Variants in LIPF observed in about 807,000 individuals in gnomAD.
LIPF encodes lipase F, gastric type.
In LIPF, 25 loss-of-function variants were observed where a neutral mutation model predicts 38.0. That is an observed-to-expected ratio of 0.66 (90% CI 0.48 to 0.92). LIPF has a LOEUF of 0.92. Among genes scored for constraint, LIPF ranks in the 40% least tolerant of loss-of-function variants. The pLI is 0.00. For missense variants in LIPF, 410 were observed against 469.9 expected (o/e 0.87, Z 1.18); for synonymous variants, 161 against 156.2 (o/e 1.03, Z -0.23).
Position 88,668,757 on chromosome 10 carries a change from G to T in LIPF, c.422+1G>T. 6.2e-7 allele frequency: 1 copy of T among 1,612,344 alleles called. No homozygotes were observed. On this transcript the variant is annotated splice_donor_variant, in intron 4 of 9. Coordinates refer to ENST00000238983, the MANE Select transcript of LIPF (RefSeq NM_004190.4). LOFTEE classifies it high-confidence loss of function. ...ATTCAGTTGAATTCTGGGCTTTCAGGTAAACAAAAGGGACAATTAAAAATA... is the reference window on the plus strand; with the variant it reads ...ATTCAGTTGAATTCTGGGCTTTCAGTTAAACAAAAGGGACAATTAAAAATA...
At position 88,668,711 on chromosome 10, in the gene LIPF, GA is replaced by G; in HGVS notation, c.380del (p.Asn127ThrfsTer32). ...GNSRGNTWAR[R>X]NLYYSPDSVE... ...AGCAGAGGAAACACCTGGGCCAGAA[GA>G]AACTTGTACTATTCACCAGATTCAG... On this transcript the variant is annotated frameshift_variant, in exon 4 of 10. Coordinates refer to ENST00000238983, the MANE Select transcript of LIPF (RefSeq NM_004190.4). LOFTEE classifies it high-confidence loss of function. The G allele has an allele frequency of 6.2e-7, 1 of 1,614,122 alleles. No homozygotes were observed.
At chr10:88,667,775 C>T (rs770182907) in intron 3 of LIPF, 89 bp downstream of exon 3, 5 of 618,834 alleles carry the variant, frequency 8.1e-6, no homozygotes, top group Non-Finnish European at 1.4e-5. Flanking sequence ...CTTCCTCCAA[C>T]TTTTCCTTCT....
chr10:88,666,073 C>T (rs1841508844), intron 1 of LIPF, among the ~76,000 whole-genome samples: 1 of 152,124 alleles, frequency 6.6e-6, no homozygotes, highest in Non-Finnish European at 1.5e-5. Flanking sequence ...TAAATCTAAT[C>T]CTATACTAAA....
chr10:88,677,375 C>G (rs1841704697), intron 9 of LIPF, among the ~76,000 whole-genome samples: 1 of 152,140 alleles, frequency 6.6e-6, no homozygotes, highest in African/African-American at 2.4e-5. Context: ...AACCCAGTCC[C>G]CAAGTCCACC....
intron 9 of LIPF, 69 bp from the exon 10 acceptor site, chr10:88,678,376 C>A: frequency 1.8e-6 from 2 of 1,136,132 alleles, no homozygotes; most frequent in Non-Finnish European, 2.7e-6. Context: ...ATACACTCTA[C>A]TTGAATAGTA....
intron 1 of LIPF, among the ~76,000 whole-genome samples, chr10:88,664,897 C>A (rs1841489100): frequency 6.6e-6 from 1 of 152,132 alleles, no homozygotes; most frequent in Non-Finnish European, 1.5e-5. Flanking sequence ...TTAATATCAT[C>A]CAAATCAACT....
rs376710038 is a variant in LIPF, at chr10:88,675,618, A to G, written c.849A>G (p.Pro283=). Residue 283 remains proline, a synonymous_variant, in exon 8 of 10, where the codon CCA becomes CCG. Coordinates refer to ENST00000238983, the MANE Select transcript of LIPF (RefSeq NM_004190.4). ...TGGATGTGTATCTATCACATAATCC[A>G]GCAGGAACTTCTGTTCAAAACATGT... ...SRLDVYLSHN[P]AGTSVQNMFH... 3 of 1,612,964 alleles carry G rather than the reference A, an allele frequency of 1.9e-6. No individual in the cohort carries two copies. The highest frequency in any genetic ancestry group is 1.7e-6 in the Non-Finnish European group (2 of 1,179,086).
Position 88,675,658 on chromosome 10 carries a change from G to C in LIPF, c.888+1G>C, listed in dbSNP as rs1191873990. On this transcript the variant is annotated splice_donor_variant, in intron 8 of 9. Transcript: ENST00000238983. LOFTEE classifies it high-confidence loss of function. Reference sequence around the variant, plus strand: ...TCAAAACATGTTCCATTGGACCCAGGTATTCTTTTCCAAATGCTGTTAAAA... The same window carrying C: ...TCAAAACATGTTCCATTGGACCCAGCTATTCTTTTCCAAATGCTGTTAAAA... The C allele has an allele frequency of 1.2e-6, 2 of 1,604,802 alleles. No individual in the cohort carries two copies. Among genetic ancestry groups the C allele is most frequent in the East Asian group, 4.5e-5 (2 of 44,754 alleles).
intron 7 of LIPF, 109 bp downstream of exon 7, chr10:88,673,843 G>A (rs989277057): frequency 1.0e-5 from 8 of 786,738 alleles, no homozygotes; most frequent in Non-Finnish European, 1.4e-5. Context: ...TCAGAACTGC[G>A]ATATCCTGAT....
chr10:88,666,165 T>C (rs1360598209), intron 1 of LIPF, among the ~76,000 whole-genome samples: 1 of 152,228 alleles, frequency 6.6e-6, no homozygotes, highest in Non-Finnish European at 1.5e-5. Flanking sequence ...TCAGGAACTA[T>C]GCTATGTGCT....
At chr10:88,678,369 C>G (rs568363068) in intron 9 of LIPF, 76 bp from the exon 10 acceptor site, 1 of 1,052,006 alleles carries the variant, frequency 9.5e-7, no homozygotes, top group East Asian at 2.4e-5. Flanking sequence ...TAATGTTATA[C>G]ACTCTACTTG....
At position 88,672,185 on chromosome 10, in the gene LIPF, C is replaced by G. The variant is rs750221279; in HGVS notation, c.669+220C>G. 2.0e-5 allele frequency among the ~76,000 whole-genome samples: 3 copies of G among 152,166 alleles called. No homozygotes were observed. In the South Asian group the frequency reaches 6.2e-4, roughly 32 times the overall value. On this transcript the variant is annotated intron_variant, in intron 6 of 9. Coordinates refer to ENST00000238983, the MANE Select transcript of LIPF (RefSeq NM_004190.4). ...TTCTTTCTTTGTTCTTCATGTGAGT[C>G]AGCAATGCCTGGGAGTAGTTTTGCT...
At position 88,678,759 on chromosome 10, in the gene LIPF, A is replaced by G. The variant is rs935372701; in HGVS notation, c.*78A>G. The G allele has an allele frequency of 2.2e-6, 2 of 900,436 alleles. No individual in the cohort carries two copies. The highest frequency in any genetic ancestry group is 3.5e-6 in the Non-Finnish European group (2 of 572,954). The allele number at this position is 900,436 out of a possible 1,614,324, so 55.8% of individuals were successfully genotyped here. On this transcript the variant is annotated 3_prime_UTR_variant, in exon 10 of 10. Transcript: ENST00000238983. ...ATACATAGTATTTTCATAATGTTTGACATGCAGTGCTTCTTTCTGTAATTT... is the reference window on the plus strand; with the variant it reads ...ATACATAGTATTTTCATAATGTTTGGCATGCAGTGCTTCTTTCTGTAATTT...
At chr10:88,665,815 C>T (rs538366121) in intron 1 of LIPF, among the ~76,000 whole-genome samples, 2 of 146,590 alleles carry the variant, frequency 1.4e-5, no homozygotes, top group East Asian at 4.0e-4. Context: ...GCGATCTCCG[C>T]TCACTGCAAC....
intron 1 of LIPF, among the ~76,000 whole-genome samples, chr10:88,666,843 A>G (rs1454827338): frequency 6.6e-6 from 1 of 152,254 alleles, no homozygotes; most frequent in Non-Finnish European, 1.5e-5. Flanking sequence ...ATTACTTTGA[A>G]CACACGTTAT....
At chr10:88,677,604 C>T (rs185480557) in intron 9 of LIPF, among the ~76,000 whole-genome samples, 4 of 152,228 alleles carry the variant, frequency 2.6e-5, no homozygotes, top group Admixed American at 2.6e-4. Flanking sequence ...GGGAAAATTA[C>T]ATATCATAAA....
chr10:88,667,646 C>A lies in LIPF; in HGVS notation c.183C>A (p.Val61=). The change falls in exon 3 of 10, where the codon GTC becomes GTA. Residue 61 remains valine, a synonymous_variant. Transcript: ENST00000238983. The part of the protein sequence containing the change: ...VVTEDGYILE[V]NRIPYGKKNS... ...CTGAAGATGGTTATATTCTTGAAGT[C>A]AATAGAATTCCTTATGGGAAGAAAA... 6.3e-7 allele frequency: 1 copy of A among 1,582,012 alleles called. No individual in the cohort carries two copies. Among genetic ancestry groups the A allele is most frequent in the South Asian group, 1.1e-5 (1 of 89,852 alleles).
intron 1 of LIPF, chr10:88,665,337 G>C (rs1841494911): frequency 8.0e-6 from 4 of 497,618 alleles, no homozygotes; most frequent in African/African-American, 1.9e-5. Context: ...CCCTAACATA[G>C]AGAAATGTAC....
At chr10:88,668,479 T>C (rs1841546957) in intron 3 of LIPF, 79 bp from the exon 4 acceptor site, 3 of 1,254,926 alleles carry the variant, frequency 2.4e-6, no homozygotes, top group Non-Finnish European at 1.1e-6. Context: ...GCTAGTCATA[T>C]GGAAGACTGT....
Sources: allele counts gnomAD v4.1 joint callset (sites outside exome capture counted in the v4.1 genomes callset), GRCh38; gene constraint gnomAD v4.1.1; transcripts MANE v1.5; gene names NCBI Gene and HGNC (gene_info 2026-07-23, HGNC 2026-07-21).